The following MOCS2 variants were observed in gnomAD, a reference collection of about 807,000 sequenced individuals.
MOCS2 encodes the protein molybdenum cofactor synthesis 2.
A neutral mutation model predicts 21.9 loss-of-function variants in MOCS2; 13 were observed. That is an observed-to-expected ratio of 0.59 (90% CI 0.39 to 0.94). The LOEUF is 0.94. Ranked by LOEUF, MOCS2 falls within the 40% of genes least tolerant of loss-of-function variation. The pLI, the probability that MOCS2 is intolerant of heterozygous loss-of-function variation, is 0.00. For synonymous variants in MOCS2, 92 were observed against 80.8 expected (o/e 1.14, Z -0.74); for missense variants, 227 against 218.3 (o/e 1.04, Z -0.25).
chr5:53,101,270 G>C (rs1262370631), intron 5 of MOCS2, 89 bp downstream of exon 5: 13 of 1,325,748 alleles, frequency 9.8e-6, no homozygotes, highest in Non-Finnish European at 1.3e-5. Context: ...TGGTAATATA[G>C]AATTACTAAG....
rs1049844139 is a variant in MOCS2 at position 53,097,000 on chromosome 5, T to A, written c.*1602A>T. The A allele has an allele frequency of 6.6e-6, 1 of 152,206 alleles. No homozygotes were observed. The highest frequency in any genetic ancestry group is 1.5e-5 in the Non-Finnish European group (1 of 68,064). The allele number at this position is 152,206 out of a possible 1,614,324, so 9.4% of individuals were successfully genotyped here. A position where few individuals can be genotyped will look rare whatever the true frequency, so the allele number is the denominator to read the frequency against. Reference sequence around the variant, plus strand: ...GTGACCCAGTAACCCCATGATAATGTGCTTTTAGATATAATGCAACAGCCA... The same window carrying A: ...GTGACCCAGTAACCCCATGATAATGAGCTTTTAGATATAATGCAACAGCCA... On this transcript the variant is annotated 3_prime_UTR_variant, in exon 7 of 7. Coordinates refer to ENST00000396954, the MANE Select transcript of MOCS2 (RefSeq NM_004531.5).
chr5:53,104,640 G>C (rs1046569679), intron 3 of MOCS2, among the ~76,000 whole-genome samples: 3 of 152,256 alleles, frequency 2.0e-5, no homozygotes, highest in African/African-American at 4.8e-5. Context: ...AAGAAGCCTA[G>C]TGTTGACATG....
intron 5 of MOCS2, 182 bp from the exon 6 acceptor site, chr5:53,100,716 T>C: frequency 1.6e-6 from 1 of 616,980 alleles, no homozygotes; most frequent in South Asian, 1.9e-5. Context: ...GCAGAGGCAG[T>C]AGATGAGGCT....
At position 53,109,312 on chromosome 5, in the gene MOCS2, G is replaced by A. The variant is rs1236379423; in HGVS notation, c.-231C>T. ...TACAGGTTTGCAAATGATCAAGGGTGTAGAAATCCACAGATGAAGCACAGT... is the reference window on the plus strand; with the variant it reads ...TACAGGTTTGCAAATGATCAAGGGTATAGAAATCCACAGATGAAGCACAGT... On this transcript the variant is annotated 5_prime_UTR_variant, in exon 1 of 7. Transcript: ENST00000396954. 6.7e-6 allele frequency: 7 copies of A among 1,044,136 alleles called. No homozygotes were observed. The African/African-American group carries it at 1.0e-4, about 15-fold the overall frequency. 64.7% of individuals were successfully genotyped at this position (1,044,136 alleles called of 1,614,324 possible).
At position 53,097,985 on chromosome 5, in the gene MOCS2, A is replaced by T. The variant is rs987850864; in HGVS notation, c.*617T>A. ...AAAAACAACAAAAAGTTTTCTGGTA[A>T]GATTATAGATTCTGAAATCCCAGAA... On this transcript the variant is annotated 3_prime_UTR_variant, in exon 7 of 7. Transcript: ENST00000396954. 1 of 152,200 alleles carries T rather than the reference A, an allele frequency of 6.6e-6. No homozygotes were observed. The highest frequency in any genetic ancestry group is 6.5e-5 in the Admixed American group (1 of 15,280). 9.4% of individuals were successfully genotyped at this position (152,200 alleles called of 1,614,324 possible).
At chr5:53,107,518 GGTCAAAAGAAAA>G (rs1741084903) in intron 2 of MOCS2, 2 of 375,666 alleles carry the variant, frequency 5.3e-6, no homozygotes, top group African/African-American at 2.1e-5. Flanking sequence ...ACTCAAACCA[GGTCAAAAGAAAA>G]GTTTCCAATC....
At position 53,096,248 on chromosome 5, in the gene MOCS2, TTG is replaced by T; in HGVS notation, c.*2352_*2353del. 1 of 152,250 alleles carries T rather than the reference TTG, an allele frequency of 6.6e-6. No homozygotes were observed. The highest frequency in any genetic ancestry group is 6.5e-5 in the Admixed American group (1 of 15,286). 9.4% of individuals were successfully genotyped at this position (152,250 alleles called of 1,614,324 possible). A position where few individuals can be genotyped will look rare whatever the true frequency, so the allele number is the denominator to read the frequency against. On this transcript the variant is annotated 3_prime_UTR_variant, in exon 7 of 7. Transcript: ENST00000396954. ...TTTCTCAAAAAAGGCTGAAAATATATTGTGACTCTATACATCATATCCAAAGG... is the reference window on the plus strand; with the variant it reads ...TTTCTCAAAAAAGGCTGAAAATATATTGACTCTATACATCATATCCAAAGG...
Position 53,109,317 on chromosome 5 carries a change from A to C in MOCS2, c.-236T>G. ...GTTTGCAAATGATCAAGGGTGTAGA[A>C]ATCCACAGATGAAGCACAGTTCTTC... On this transcript the variant is annotated 5_prime_UTR_variant, in exon 1 of 7. The change creates a new upstream start codon in the 5' untranslated region. Coordinates refer to ENST00000396954, the MANE Select transcript of MOCS2 (RefSeq NM_004531.5). 9.5e-7 allele frequency: 1 copy of C among 1,049,766 alleles called. No individual in the cohort carries two copies. Among genetic ancestry groups the C allele is most frequent in the Non-Finnish European group, 1.1e-6 (1 of 872,364 alleles). 65.0% of individuals were successfully genotyped at this position (1,049,766 alleles called of 1,614,324 possible). A position where few individuals can be genotyped will look rare whatever the true frequency, so the allele number is the denominator to read the frequency against.
At chr5:53,102,000 AG>A in intron 4 of MOCS2, 96 bp downstream of exon 4, 1 of 1,316,152 alleles carries the variant, frequency 7.6e-7, no homozygotes, top group Non-Finnish European at 1.1e-6. Flanking sequence ...TTTAAAGTTC[AG>A]TATTTCAAAC....
At position 53,100,434 on chromosome 5, in the gene MOCS2, C is replaced by T. The variant is rs1175348194; in HGVS notation, c.478G>A (p.Ala160Thr). ...ACCTTTTTCCATATGGGCACCTTGG[C>T]TTTTAAAGTATCAATGGCATAGCTC... ...AVSYAIDTLKAKVPIWKKEIY... is the reference protein window; with the variant it reads ...AVSYAIDTLKTKVPIWKKEIY... The change falls in exon 6 of 7, where the codon GCC becomes ACC. Residue 160 changes from alanine to threonine, a missense_variant. Coordinates refer to ENST00000396954, the MANE Select transcript of MOCS2 (RefSeq NM_004531.5). 1.2e-6 allele frequency: 2 copies of T among 1,613,820 alleles called. No homozygotes were observed. The highest frequency in any genetic ancestry group is 2.2e-5 in the East Asian group (1 of 44,864).
chr5:53,098,758 C>CAG, intron 6 of MOCS2, 91 bp from the exon 7 acceptor site: 1 of 933,806 alleles, frequency 1.1e-6, no homozygotes, highest in Non-Finnish European at 1.7e-6. Context: ...AAATGAATAT[C>CAG]ACATCTATTT....
rs1579938243 is a variant in MOCS2 at position 53,109,464 on chromosome 5, G to C, written c.-383C>G. On this transcript the variant is annotated 5_prime_UTR_variant, in exon 1 of 7. Transcript: ENST00000396954. The stretch of plus-strand genomic sequence containing the variant: ...GCGCCTTCAGAACGAGTCCGTCCTT[G>C]CTGCCGTGAGCTGACAAGAGTTCTC... 7.7e-7 allele frequency: 1 copy of C among 1,293,768 alleles called. No homozygotes were observed. 80.1% of individuals were successfully genotyped at this position (1,293,768 alleles called of 1,614,324 possible). A position where few individuals can be genotyped will look rare whatever the true frequency, so the allele number is the denominator to read the frequency against.
At chr5:53,098,810 G>T in intron 6 of MOCS2, 143 bp from the exon 7 acceptor site, 1 of 700,698 alleles carries the variant, frequency 1.4e-6, no homozygotes, top group Non-Finnish European at 2.5e-6. Context: ...AGACATCATG[G>T]GCAAGGTTAC....
rs759009127 is a variant in MOCS2, at chr5:53,097,370, T to C, written c.*1232A>G. 1 of 152,164 alleles carries C rather than the reference T, an allele frequency of 6.6e-6. No individual in the cohort carries two copies. The highest frequency in any genetic ancestry group is 1.5e-5 in the Non-Finnish European group (1 of 68,032). 9.4% of individuals were successfully genotyped at this position (152,164 alleles called of 1,614,324 possible). A position where few individuals can be genotyped will look rare whatever the true frequency, so the allele number is the denominator to read the frequency against. Reference sequence around the variant, plus strand: ...CACAAAACAGGCATTCAATAAATATTTGTTGAATAAATGGGTTCCTTAGGT... The same window carrying C: ...CACAAAACAGGCATTCAATAAATATCTGTTGAATAAATGGGTTCCTTAGGT... On this transcript the variant is annotated 3_prime_UTR_variant, in exon 7 of 7. Transcript: ENST00000396954.
chr5:53,106,974 G>A, intron 3 of MOCS2, 103 bp downstream of exon 3: 1 of 1,318,844 alleles, frequency 7.6e-7, no homozygotes, highest in East Asian at 2.4e-5. Context: ...ATTTGGTACA[G>A]ACAGACTTAC....
Position 53,098,387 on chromosome 5 carries a change from C to A in MOCS2, c.*215G>T. ...TCCTCACATTTAAATTATTCCATTT[C>A]TTCCTACAGTCCTCCTTCTATCTTT... On this transcript the variant is annotated 3_prime_UTR_variant, in exon 7 of 7. Transcript: ENST00000396954. 2 of 583,144 alleles carry A rather than the reference C, an allele frequency of 3.4e-6. No homozygotes were observed. The highest frequency in any genetic ancestry group is 6.1e-6 in the Non-Finnish European group (2 of 327,402). The allele number at this position is 583,144 out of a possible 1,614,324, so 36.1% of individuals were successfully genotyped here. A position where few individuals can be genotyped will look rare whatever the true frequency, so the allele number is the denominator to read the frequency against.
Position 53,108,610 on chromosome 5 carries a change from T to C in MOCS2, c.-136A>G. 1.2e-6 allele frequency: 2 copies of C among 1,613,614 alleles called. No individual in the cohort carries two copies. Among genetic ancestry groups the C allele is most frequent in the East Asian group, 2.2e-5 (1 of 44,838 alleles). On this transcript the variant is annotated 5_prime_UTR_variant, in exon 2 of 7. Coordinates refer to ENST00000396954, the MANE Select transcript of MOCS2 (RefSeq NM_004531.5). ...ATGGTCTCTGAACGAACTCCTGTTA[T>C]TTCAGCACTTTTTGCAAAATACAAT...
rs886899558 is a variant in MOCS2 at position 53,101,368 on chromosome 5, T to G, written c.368A>C (p.His123Pro). ...ATAAAGGAAATCATACCCAAGTCTA[T>G]GGAACACTGCTATGTGTTTGACTGG... ...KWPVKHIAVF[H>P]RLGLVPVSEA... Residue 123 changes from histidine to proline, a missense_variant, in exon 5 of 7, where the codon CAT becomes CCT. Physicochemically the swap from His to Pro is moderately conservative, Grantham distance 77. Coordinates refer to ENST00000396954, the MANE Select transcript of MOCS2 (RefSeq NM_004531.5). The G allele has an allele frequency of 1.2e-6, 2 of 1,613,808 alleles. No homozygotes were observed. Among genetic ancestry groups the G allele is most frequent in the Non-Finnish European group, 1.7e-6 (2 of 1,179,924 alleles).
intron 2 of MOCS2, chr5:53,107,486 A>T (rs1354865495): frequency 9.2e-6 from 4 of 434,744 alleles, no homozygotes; most frequent in Non-Finnish European, 1.7e-5. Flanking sequence ...ATGCACAAAA[A>T]ACCCACCAGA....
Sources: gnomAD v4.1 joint callset for allele counts (sites outside exome capture counted in the v4.1 genomes callset) on GRCh38, gnomAD v4.1.1 for gene constraint, MANE v1.5 for transcripts, NCBI Gene and HGNC (gene_info 2026-07-23, HGNC 2026-07-21) for gene names.